Variants in SORBS2 observed in about 807,000 individuals in gnomAD.
SORBS2 encodes the protein sorbin and SH3 domain containing 2, also known as sorbin and SH3 domain-containing protein 2.
In SORBS2, 46 loss-of-function variants were observed where a neutral mutation model predicts 97.7. That is an observed-to-expected ratio of 0.47 (90% CI 0.37 to 0.60). The LOEUF is 0.60. Among genes scored for constraint, SORBS2 ranks in the 20% least tolerant of loss-of-function variants. The pLI is 0.00. For synonymous variants in SORBS2, 476 were observed against 473.4 expected, an observed-to-expected ratio of 1.01 and a Z score of -0.07; for missense variants, 1,316 against 1,282.3, an observed-to-expected ratio of 1.03 and a Z score of -0.40.
chr4:185,629,803 T>C (rs1445023510), intron 5 of SORBS2, among the ~76,000 whole-genome samples: 1 of 151,960 alleles, frequency 6.6e-6, no homozygotes, highest in East Asian at 1.9e-4. Flanking sequence ...CCTCATGATC[T>C]TCCCCCCTCA....
chr4:185,759,131 T>C (rs1473878011), intron 2 of SORBS2, among the ~76,000 whole-genome samples: 1 of 152,204 alleles, frequency 6.6e-6, no homozygotes, highest in East Asian at 1.9e-4. Flanking sequence ...GACTGTGCTC[T>C]CTCCAGAGTG....
intron 1 of SORBS2, among the ~76,000 whole-genome samples, chr4:185,899,531 T>C (rs978870310): frequency 6.6e-6 from 1 of 151,992 alleles, no homozygotes; most frequent in Non-Finnish European, 1.5e-5. Context: ...GTTTAAGCGA[T>C]CCTCCCCCCT....
Position 185,898,397 on chromosome 4 carries a change from C to G in SORBS2, c.-338+57799G>C, listed in dbSNP as rs542088456. ...AAATAAGAAAGGCTCAAACTAGCAC[C>G]ATGTCTGTAAGGAAGAAAAGAAAGG... is the stretch of plus-strand genomic sequence containing the variant. On this transcript the variant is annotated intron_variant, in intron 1 of 20. Transcript: ENST00000284776. Among the ~76,000 whole-genome samples, 5 of 152,226 alleles carry G rather than the reference C, an allele frequency of 3.3e-5. No homozygotes were observed. The South Asian group carries it at 1.0e-3, about 32-fold the overall frequency.
intron 2 of SORBS2, among the ~76,000 whole-genome samples, chr4:185,758,403 C>T (rs377560125): frequency 2.6e-5 from 4 of 152,170 alleles, no homozygotes; most frequent in South Asian, 2.1e-4. Flanking sequence ...TCCTATCTCC[C>T]TGGGCATGCC....
intron 1 of SORBS2, among the ~76,000 whole-genome samples, chr4:185,924,854 A>T (rs1328673599): frequency 6.6e-6 from 1 of 152,022 alleles, no homozygotes; most frequent in African/African-American, 2.4e-5. Flanking sequence ...TTTCTTGCCT[A>T]TTAAACTTTT....
chr4:185,637,750 A>T (rs942341698), intron 4 of SORBS2, among the ~76,000 whole-genome samples: 3 of 152,028 alleles, frequency 2.0e-5, no homozygotes, highest in African/African-American at 7.3e-5. Flanking sequence ...ACTAGACCAA[A>T]TAGACTGTAA....
chr4:185,943,934 A>G (rs2099273317), intron 1 of SORBS2, among the ~76,000 whole-genome samples: 1 of 152,198 alleles, frequency 6.6e-6, no homozygotes, highest in South Asian at 2.1e-4. Flanking sequence ...GTTAATAATT[A>G]AATCCAGCTA....
At chr4:185,691,345 G>A (rs144909861) in intron 2 of SORBS2, among the ~76,000 whole-genome samples, 1,576 of 152,186 alleles carry the variant, frequency 0.01, 16 homozygotes, top group Non-Finnish European at 0.014. Context: ...GATTACAGGT[G>A]TGAACTACCG....
intron 1 of SORBS2, among the ~76,000 whole-genome samples, chr4:185,883,253 T>C (rs1395616667): frequency 1.3e-5 from 2 of 152,128 alleles, no homozygotes; most frequent in African/African-American, 4.8e-5. Flanking sequence ...TTTGAATAGA[T>C]TTTTTCACAA....
chr4:185,661,393 AG>A (rs1287279393), upstream of SORBS2, among the ~76,000 whole-genome samples: 3 of 152,212 alleles, frequency 2.0e-5, no homozygotes, highest in African/African-American at 7.2e-5. Context: ...GGCCACAAAA[AG>A]TCCATGAGCC....
intron 2 of SORBS2, among the ~76,000 whole-genome samples, chr4:185,702,468 T>C (rs753830275): frequency 1.8e-4 from 27 of 152,162 alleles, no homozygotes; most frequent in Non-Finnish European, 3.5e-4. Flanking sequence ...ATTCATGAAG[T>C]ATCTGGTCCC....
intron 2 of SORBS2, among the ~76,000 whole-genome samples, chr4:185,721,047 T>C (rs757869052): frequency 4.0e-5 from 6 of 149,438 alleles, no homozygotes; most frequent in Non-Finnish European, 7.4e-5. Flanking sequence ...AAAGTACAAC[T>C]GTGAGCCACT....
chr4:185,903,169 C>T (rs1304552740), intron 1 of SORBS2, among the ~76,000 whole-genome samples: 1 of 152,060 alleles, frequency 6.6e-6, no homozygotes, highest in African/African-American at 2.4e-5. Context: ...TAAAACACAG[C>T]TTTATATTTT....
intron 1 of SORBS2, among the ~76,000 whole-genome samples, chr4:185,870,746 G>A (rs140065326): frequency 3.3e-4 from 50 of 152,342 alleles, no homozygotes; most frequent in Non-Finnish European, 6.9e-4. Context: ...CTTTGGTGAG[G>A]TGATGTGATG....
At chr4:185,726,721 G>A (rs951294645) in intron 2 of SORBS2, among the ~76,000 whole-genome samples, 22 of 151,566 alleles carry the variant, frequency 1.5e-4, no homozygotes, top group Non-Finnish European at 2.8e-4. Context: ...TTTCTTACAC[G>A]GTTTGTTCTA....
intron 2 of SORBS2, among the ~76,000 whole-genome samples, chr4:185,736,353 G>A (rs2098687693): frequency 6.6e-6 from 1 of 152,198 alleles, no homozygotes. Flanking sequence ...GCAAATTGAT[G>A]TTCTCATTTA....
chr4:185,890,961 T>TGAATGAATGAAC (rs1163700589), intron 1 of SORBS2, among the ~76,000 whole-genome samples: 12 of 152,020 alleles, frequency 7.9e-5, no homozygotes, highest in Admixed American at 4.6e-4. Flanking sequence ...AATGAATGAA[T>TGAATGAATGAAC]GAACGAATGA....
chr4:185,827,993 AT>A (rs1585262688), intron 1 of SORBS2, among the ~76,000 whole-genome samples: 1 of 40,808 alleles, frequency 2.5e-5, no homozygotes, highest in East Asian at 3.3e-4. Flanking sequence ...CATCATCATC[AT>A]CACCATCATC....
At chr4:185,750,158 A>G (rs2098790673) in intron 2 of SORBS2, among the ~76,000 whole-genome samples, 1 of 152,234 alleles carries the variant, frequency 6.6e-6, no homozygotes, top group Non-Finnish European at 1.5e-5. Context: ...CTCACTAGAC[A>G]TGTAACTCAC....
Sources: gnomAD v4.1 joint callset for allele counts (sites outside exome capture counted in the v4.1 genomes callset) on GRCh38, gnomAD v4.1.1 for gene constraint, MANE v1.5 for transcripts, NCBI Gene and HGNC (gene_info 2026-07-23, HGNC 2026-07-21) for gene names.